Variants in CLOCK observed in about 807,000 individuals in gnomAD.
CLOCK encodes circadian locomoter output cycles protein kaput.
In CLOCK, 43 loss-of-function variants were observed where a neutral mutation model predicts 118.4. The observed-to-expected ratio is 0.36, with a 90% confidence interval of 0.28 to 0.47. The LOEUF (loss-of-function observed/expected upper bound fraction) is 0.47, where lower values mean the gene tolerates loss of function less well. Among genes scored for constraint, CLOCK ranks in the 20% least tolerant of loss-of-function variants. The pLI is 1.00. For missense variants in CLOCK, 846 were observed against 999.9 expected, an observed-to-expected ratio of 0.85 and a Z score of 2.08; for synonymous variants, 326 against 339.2, an observed-to-expected ratio of 0.96 and a Z score of 0.43.
intron 5 of CLOCK, 110 bp downstream of exon 5, chr4:55,479,530 C>A (rs1022415445): frequency 3.3e-5 from 29 of 888,862 alleles, no homozygotes; most frequent in Non-Finnish European, 4.1e-5. Context: ...GCTAATATAT[C>A]TAAACTCCTA....
At chr4:55,493,153 A>G (rs1267228915) in intron 2 of CLOCK, among the ~76,000 whole-genome samples, 1 of 152,162 alleles carries the variant, frequency 6.6e-6, no homozygotes, top group Non-Finnish European at 1.5e-5. Context: ...GATAAAACAC[A>G]ACCTGTTATC....
At chr4:55,546,061 G>A (rs940731025) in intron 1 of CLOCK, 2 of 152,334 alleles carry the variant, frequency 1.3e-5, no homozygotes, top group African/African-American at 4.8e-5. Context: ...CCGGGAGGGC[G>A]GGGGTTCCCC....
intron 1 of CLOCK, among the ~76,000 whole-genome samples, chr4:55,530,758 G>C (rs1730486339): frequency 1.7e-5 from 1 of 59,074 alleles, no homozygotes; most frequent in African/African-American, 6.9e-5. Context: ...CTGGGAAAAA[G>C]AGCAAGACTC....
chr4:55,432,678 A>C lies in CLOCK; in HGVS notation c.*2737T>G, dbSNP rs1722600423. 3 of 152,018 alleles carry C rather than the reference A, an allele frequency of 2.0e-5. No homozygotes were observed. The South Asian group carries it at 6.3e-4, about 32-fold the overall frequency. 9.4% of individuals were successfully genotyped at this position (152,018 alleles called of 1,614,324 possible). A position where few individuals can be genotyped will look rare whatever the true frequency, so the allele number is the denominator to read the frequency against. On this transcript the variant is annotated 3_prime_UTR_variant, in exon 23 of 23. Transcript: ENST00000513440. ...CAAATTTAAGAGAATCAGGAGGAAA[A>C]CAAAGCAGCAAAGAGGCAGCTGGTG... is the stretch of plus-strand genomic sequence containing the variant.
chr4:55,514,605 T>A (rs988230086), intron 1 of CLOCK, among the ~76,000 whole-genome samples: 1 of 151,560 alleles, frequency 6.6e-6, no homozygotes, highest in Non-Finnish European at 1.5e-5. Context: ...AGTTTTTTTT[T>A]AAATCATGAA....
chr4:55,528,708 T>C (rs571312039), intron 1 of CLOCK, among the ~76,000 whole-genome samples: 3 of 152,206 alleles, frequency 2.0e-5, no homozygotes, highest in Admixed American at 6.5e-5. Context: ...AGTCAATCTT[T>C]CAGAGATTCT....
intron 9 of CLOCK, among the ~76,000 whole-genome samples, chr4:55,460,451 C>T (rs371236973): frequency 4.6e-5 from 7 of 152,186 alleles, no homozygotes; most frequent in East Asian, 3.9e-4. Flanking sequence ...AAGCTCCCTT[C>T]GTCTATGTAT....
At chr4:55,472,620 T>C (rs1012946881) in intron 7 of CLOCK, among the ~76,000 whole-genome samples, 7 of 152,182 alleles carry the variant, frequency 4.6e-5, no homozygotes, top group South Asian at 2.1e-4. Flanking sequence ...GCAGCACTAG[T>C]GTAGCGCAAG....
chr4:55,453,532 A>C (rs967312749), intron 14 of CLOCK, 145 bp downstream of exon 14: 33 of 597,464 alleles, frequency 5.5e-5, no homozygotes, highest in Non-Finnish European at 9.2e-5. Flanking sequence ...CCTATAAGTA[A>C]ATTTAATAAT....
intron 7 of CLOCK, among the ~76,000 whole-genome samples, chr4:55,472,374 G>C (rs6817267): frequency 6.6e-6 from 1 of 151,882 alleles, no homozygotes; most frequent in Non-Finnish European, 1.5e-5. Context: ...TTCTAAGGGG[G>C]TGAAGTATCA....
intron 1 of CLOCK, among the ~76,000 whole-genome samples, chr4:55,534,181 A>G (rs1227949102): frequency 2.0e-5 from 3 of 152,112 alleles, no homozygotes; most frequent in Admixed American, 1.3e-4. Context: ...CAAGTGGAGC[A>G]TCAGTGCAAC....
chr4:55,510,165 G>A (rs1729048188), intron 1 of CLOCK, 100 bp from the exon 2 acceptor site: 1 of 152,192 alleles, frequency 6.6e-6, no homozygotes, highest in African/African-American at 2.4e-5. Flanking sequence ...CATTTATTGC[G>A]AGCCTCCTCT....
intron 2 of CLOCK, among the ~76,000 whole-genome samples, chr4:55,507,550 T>C (rs986655946): frequency 2.0e-5 from 3 of 151,232 alleles, no homozygotes; most frequent in African/African-American, 7.3e-5. Context: ...GAGGTGGAGG[T>C]TGAAGCCAAG....
At chr4:55,495,495 G>A (rs1405695143) in intron 2 of CLOCK, among the ~76,000 whole-genome samples, 2 of 152,090 alleles carry the variant, frequency 1.3e-5, no homozygotes, top group East Asian at 3.9e-4. Flanking sequence ...TGTCATTTCT[G>A]AATTATTCTC....
At chr4:55,484,081 T>A (rs895199723) in intron 3 of CLOCK, among the ~76,000 whole-genome samples, 3 of 152,192 alleles carry the variant, frequency 2.0e-5, no homozygotes, top group Non-Finnish European at 4.4e-5. Flanking sequence ...TCAGTCACTG[T>A]TTTCAAATGC....
At chr4:55,510,243 C>T (rs753801388) in intron 1 of CLOCK, among the ~76,000 whole-genome samples, 178 bp from the exon 2 acceptor site, 9 of 152,102 alleles carry the variant, frequency 5.9e-5, no homozygotes, top group African/African-American at 7.2e-5. Context: ...GGAACTCAAC[C>T]GTAAATGGGA....
intron 7 of CLOCK, 110 bp downstream of exon 7, chr4:55,475,853 T>G: frequency 1.4e-6 from 1 of 718,090 alleles, no homozygotes; most frequent in Non-Finnish European, 2.5e-6. Flanking sequence ...TTTATTGCAG[T>G]GGTCTGGAAC....
intron 1 of CLOCK, among the ~76,000 whole-genome samples, chr4:55,522,521 T>A (rs1729910742): frequency 6.7e-6 from 1 of 149,788 alleles, no homozygotes. Flanking sequence ...AAAAGAAGCA[T>A]AAAGAACGAA....
chr4:55,531,619 C>T (rs1210874610), intron 1 of CLOCK, among the ~76,000 whole-genome samples: 1 of 138,214 alleles, frequency 7.2e-6, no homozygotes, highest in African/African-American at 2.6e-5. Flanking sequence ...GCAGGAGAAT[C>T]GCTTGAACCC....
Sources: allele counts gnomAD v4.1 joint callset (sites outside exome capture counted in the v4.1 genomes callset), GRCh38; gene constraint gnomAD v4.1.1; transcripts MANE v1.5; gene names NCBI Gene and HGNC (gene_info 2026-07-23, HGNC 2026-07-21).